USP48: variants seen among roughly 807,000 people sequenced by gnomAD.
The protein encoded by USP48 is ubiquitin carboxyl-terminal hydrolase 48.
Under a neutral mutation model 150.7 loss-of-function variants are expected in USP48, and 43 were observed. The observed-to-expected ratio is 0.29, with a 90% CI of 0.22 to 0.37. The LOEUF (loss-of-function observed/expected upper bound fraction) is 0.37, where lower values mean the gene tolerates loss of function less well. Ranked by LOEUF, USP48 falls within the 10% of genes least tolerant of loss-of-function variation. The probability of loss-of-function intolerance (pLI) is 1.00; values close to 1 mark genes in which losing one functional copy is unlikely to be tolerated. For missense variants in USP48, 813 were observed against 1,249.6 expected (o/e 0.65, Z 5.27); for synonymous variants, 396 against 425.9 (o/e 0.93, Z 0.86).
chr1:21,767,706 G>GA (rs924203356), intron 1 of USP48, among the ~76,000 whole-genome samples: 1 of 150,738 alleles, frequency 6.6e-6, no homozygotes, highest in African/African-American at 2.4e-5. Context: ...TGTTTTTAAA[G>GA]AAAAATTTTT....
chr1:21,766,996 G>T (rs952223344), intron 1 of USP48, among the ~76,000 whole-genome samples: 1 of 152,066 alleles, frequency 6.6e-6, no homozygotes, highest in Non-Finnish European at 1.5e-5. Context: ...CCCAGGAGGC[G>T]GAGGTTGCAG....
intron 26 of USP48, among the ~76,000 whole-genome samples, chr1:21,679,745 G>C (rs1413816239): frequency 6.6e-6 from 1 of 152,172 alleles, no homozygotes; most frequent in Non-Finnish European, 1.5e-5. Flanking sequence ...GCCCAGGCTG[G>C]AGTGCAGTGG....
Position 21,757,683 on chromosome 1 carries a change from T to C in USP48, c.235A>G (p.Asn79Asp). The part of the protein sequence containing the change: ...ENSFHNIDDP[N>D]CERRKKNSFV... ...TTTACCTTTTTTCTCCTCTCACAGT[T>C]GGGATCATCGATGTTATGAAAACTA... Residue 79 changes from asparagine to aspartate, a missense_variant, in exon 2 of 27, where the codon AAC becomes GAC. Transcript: ENST00000308271. 1 of 1,613,054 alleles carries C rather than the reference T, an allele frequency of 6.2e-7. No individual in the cohort carries two copies. The highest frequency in any genetic ancestry group is 1.1e-5 in the South Asian group (1 of 90,780).
chr1:21,748,409 T>C (rs1571958996), intron 6 of USP48, 138 bp from the exon 7 acceptor site: 2 of 751,316 alleles, frequency 2.7e-6, no homozygotes, highest in South Asian at 2.1e-5. Flanking sequence ...CTATAAATAA[T>C]GGACACACAA....
At chr1:21,712,436 CAAT>C (rs57007247) in intron 15 of USP48, among the ~76,000 whole-genome samples, 119,781 of 151,650 alleles carry the variant, frequency 0.79, 48,246 homozygotes, top group Admixed American at 0.87. Flanking sequence ...GGTAAACATT[CAAT>C]AATTGCCCAC....
At chr1:21,720,784 G>A (rs1412624526) in intron 14 of USP48, among the ~76,000 whole-genome samples, 1 of 151,770 alleles carries the variant, frequency 6.6e-6, no homozygotes, top group Non-Finnish European at 1.5e-5. Context: ...ACCTGCCTCG[G>A]CCTCCTAAAG....
At chr1:21,734,873 C>T (rs2097765278) in intron 9 of USP48, among the ~76,000 whole-genome samples, 1 of 152,192 alleles carries the variant, frequency 6.6e-6, no homozygotes, top group Non-Finnish European at 1.5e-5. Context: ...CTGTCCATTC[C>T]TTTGGAAAAT....
At chr1:21,714,080 A>C (rs1202934360) in intron 15 of USP48, among the ~76,000 whole-genome samples, 1 of 152,226 alleles carries the variant, frequency 6.6e-6, no homozygotes, top group Non-Finnish European at 1.5e-5. Context: ...GCCAATGTGC[A>C]TCAGGGATAA....
At chr1:21,699,030 C>T (rs985692664) in intron 22 of USP48, among the ~76,000 whole-genome samples, 1 of 151,974 alleles carries the variant, frequency 6.6e-6, no homozygotes, top group African/African-American at 2.4e-5. Context: ...TACACCCATA[C>T]ACCCAAATGC....
At chr1:21,713,523 G>A (rs2097696090) in intron 15 of USP48, among the ~76,000 whole-genome samples, 1 of 152,194 alleles carries the variant, frequency 6.6e-6, no homozygotes, top group South Asian at 2.1e-4. Flanking sequence ...ATGATAAGAG[G>A]TGGGAAGGCA....
intron 21 of USP48, among the ~76,000 whole-genome samples, 158 bp downstream of exon 21, chr1:21,703,354 T>C (rs757326875): frequency 3.9e-5 from 6 of 152,212 alleles, no homozygotes; most frequent in Admixed American, 2.6e-4. Context: ...ACATAACTGT[T>C]CATTTTCAAT....
chr1:21,736,716 A>C, intron 8 of USP48, 91 bp from the exon 9 acceptor site: 1 of 1,144,554 alleles, frequency 8.7e-7, no homozygotes. Flanking sequence ...GAATCTTTAC[A>C]CATGTGGTAT....
rs201979445 is a variant in USP48, at chr1:21,751,488, T to A, written c.774+19A>T. On this transcript the variant is annotated intron_variant, in intron 6 of 26. Transcript: ENST00000308271. ...ACTGTTAATGGGCAGGAACAATACA[T>A]ACACCAAAATTTGAATACCTTCAAA... is the stretch of plus-strand genomic sequence containing the variant. The A allele has an allele frequency of 8.2e-6, 13 of 1,585,236 alleles. No homozygotes were observed. The South Asian group carries it at 1.1e-4, about 13-fold the overall frequency.
chr1:21,767,236 T>C (rs1465615269), intron 1 of USP48, among the ~76,000 whole-genome samples: 3 of 152,140 alleles, frequency 2.0e-5, no homozygotes, highest in Non-Finnish European at 4.4e-5. Flanking sequence ...TTTGTAGAGA[T>C]GGGGTTTAGC....
chr1:21,695,015 C>T, intron 23 of USP48, 51 bp downstream of exon 23: 6 of 1,542,904 alleles, frequency 3.9e-6, no homozygotes, highest in Non-Finnish European at 5.2e-6. Context: ...AGCAGGAATT[C>T]ATAAAGGCCC....
At chr1:21,692,132 C>T (rs78058429) in intron 23 of USP48, among the ~76,000 whole-genome samples, 2,865 of 152,274 alleles carry the variant, frequency 0.019, 37 homozygotes, top group Middle Eastern at 0.048. Context: ...TCCTCCCTAA[C>T]TGCTGGGACA....
chr1:21,724,447 T>C (rs1376066216), intron 11 of USP48: 4 of 422,718 alleles, frequency 9.5e-6, no homozygotes, highest in Non-Finnish European at 1.7e-5. Flanking sequence ...TCATGCTCCA[T>C]TGCTGCCTCA....
intron 4 of USP48, 42 bp downstream of exon 4, chr1:21,752,950 T>C: frequency 6.5e-7 from 1 of 1,541,476 alleles, no homozygotes; most frequent in Non-Finnish European, 8.7e-7. Flanking sequence ...GATGTTTGGG[T>C]ACCTCTGAAT....
intron 1 of USP48, among the ~76,000 whole-genome samples, chr1:21,761,234 G>A (rs1373005840): frequency 6.6e-6 from 1 of 151,778 alleles, no homozygotes; most frequent in Non-Finnish European, 1.5e-5. Flanking sequence ...AACCTTATCG[G>A]CAAAGATTAT....
Sources: allele counts gnomAD v4.1 joint callset (sites outside exome capture counted in the v4.1 genomes callset), GRCh38; gene constraint gnomAD v4.1.1; transcripts MANE v1.5; gene names NCBI Gene and HGNC (gene_info 2026-07-23, HGNC 2026-07-21).